Variants in LRCH1 observed in about 807,000 individuals in gnomAD.
LRCH1 encodes leucine-rich repeat and calponin homology domain-containing protein 1.
Under a neutral mutation model 94.9 loss-of-function variants are expected in LRCH1, and 23 were observed. The observed-to-expected ratio is 0.24, with a 90% CI of 0.17 to 0.34. LRCH1 has a LOEUF of 0.34. LRCH1 is among the 10% of genes least tolerant of loss of function. LRCH1 has a pLI of 1.00. For synonymous variants in LRCH1, 364 were observed against 354.9 expected, an observed-to-expected ratio of 1.03 and a Z score of -0.29; for missense variants, 790 against 945.9, an observed-to-expected ratio of 0.84 and a Z score of 2.16.
At chr13:46,605,024 G>C (rs1473475442) in intron 1 of LRCH1, among the ~76,000 whole-genome samples, 1 of 152,228 alleles carries the variant, frequency 6.6e-6, no homozygotes, top group Non-Finnish European at 1.5e-5. Context: ...CATGGTGCCA[G>C]TTCTTAAAGA....
At chr13:46,653,636 G>A (rs1406294948) in intron 2 of LRCH1, among the ~76,000 whole-genome samples, 1 of 151,962 alleles carries the variant, frequency 6.6e-6, no homozygotes, top group African/African-American at 2.4e-5. Context: ...ACCAGCCTGG[G>A]CAACATGTTG....
At chr13:46,595,018 T>C (rs2050544018) in intron 1 of LRCH1, among the ~76,000 whole-genome samples, 1 of 152,184 alleles carries the variant, frequency 6.6e-6, no homozygotes, top group Admixed American at 6.5e-5. Context: ...CTGGGTGTTC[T>C]CCTAGCTTCT....
intron 13 of LRCH1, among the ~76,000 whole-genome samples, chr13:46,711,293 A>G (rs1872049767): frequency 1.3e-5 from 2 of 152,078 alleles, no homozygotes; most frequent in South Asian, 4.2e-4. Context: ...AAAAATTCAT[A>G]ATTTTTTCTC....
At chr13:46,748,888 AAGGGT>A (rs1437901711), downstream of LRCH1, among the ~76,000 whole-genome samples, 1 of 152,200 alleles carries the variant, frequency 6.6e-6, no homozygotes, top group Non-Finnish European at 1.5e-5. Context: ...CAAGGTAGGG[AAGGGT>A]GAAAAGCAGA....
rs842381 is a variant in LRCH1, at chr13:46,685,919, T to C, written c.700T>C (p.Ser234Pro). 1,589,058 of 1,593,596 alleles carry C rather than the reference T, an allele frequency of 1. 792,276 individuals are homozygous for C. Among genetic ancestry groups the C allele is most frequent in the Middle Eastern group, 1 (6,010 of 6,010 alleles). ...TATTATTTTAGAACTAGTAGATCTT[T>C]CCTTGGTAAAGTTTGACTTTTCCTG... ...KVLPQELVDL[S>P]LVKFDFSCNK... Residue 234 changes from serine to proline, a missense_variant, in exon 5 of 20, where the codon TCC becomes CCC. By Grantham distance (74) the Ser-to-Pro change is moderately conservative (BLOSUM62 -1). Around this residue, in one of 3 missense-constraint regions of LRCH1, gnomAD observed 194 missense variants for 293.5 expected, o/e 0.66. Coordinates refer to ENST00000389797, the MANE Select transcript of LRCH1 (RefSeq NM_001164211.2).
chr13:46,728,740 T>G, intron 17 of LRCH1, 107 bp from the exon 18 acceptor site: 1 of 1,040,950 alleles, frequency 9.6e-7, no homozygotes, highest in South Asian at 2.3e-5. Context: ...TATCCTTATT[T>G]CCTATGATGA....
chr13:46,575,617 T>G (rs933079261), intron 1 of LRCH1, among the ~76,000 whole-genome samples: 2 of 152,014 alleles, frequency 1.3e-5, no homozygotes, highest in Admixed American at 1.3e-4. Flanking sequence ...ATTGCACAGC[T>G]GTTGCTTGTC....
rs763938765 is a variant in LRCH1, at chr13:46,728,827, C to T, written c.1870-20C>T. On this transcript the variant is annotated intron_variant, in intron 17 of 19. Coordinates refer to ENST00000389797, the MANE Select transcript of LRCH1 (RefSeq NM_001164211.2). The stretch of plus-strand genomic sequence containing the variant: ...CCTCAGTGTTCATATTAACTGGCTT[C>T]CTTCTGATTTCCCCAACAGAGCATT... 8 of 1,583,580 alleles carry T rather than the reference C, an allele frequency of 5.1e-6. No homozygotes were observed. The Middle Eastern group carries it at 8.4e-4, about 165-fold the overall frequency.
chr13:46,625,847 C>T (rs1380933990), intron 1 of LRCH1, among the ~76,000 whole-genome samples: 1 of 151,700 alleles, frequency 6.6e-6, no homozygotes, highest in African/African-American at 2.4e-5. Context: ...AGAGAGGGGT[C>T]TCCCCATGTT....
rs781351225 is a variant in LRCH1, at chr13:46,592,689, T to C, written c.307+38986T>C. Among the ~76,000 whole-genome samples, 54 of 152,214 alleles carry C rather than the reference T, an allele frequency of 3.5e-4. 2 individuals are homozygous for C. Among genetic ancestry groups the C allele is most frequent in the Non-Finnish European group, 1.5e-5 (1 of 68,048 alleles). Reference sequence around the variant, plus strand: ...CCACTTCATATACATTTCTGCCAGCTCTATCATACCTAATCACTCATTTGA... The same window carrying C: ...CCACTTCATATACATTTCTGCCAGCCCTATCATACCTAATCACTCATTTGA... On this transcript the variant is annotated intron_variant, in intron 1 of 19. Transcript: ENST00000389797.
At chr13:46,574,682 C>G (rs2050281573) in intron 1 of LRCH1, among the ~76,000 whole-genome samples, 1 of 152,188 alleles carries the variant, frequency 6.6e-6, no homozygotes, top group Non-Finnish European at 1.5e-5. Flanking sequence ...AACTTATACG[C>G]ATATTCTAAA....
Position 46,685,926 on chromosome 13 carries a change from T to TA in LRCH1, c.710dup (p.Phe238ValfsTer2). 1 of 1,601,282 alleles carries TA rather than the reference T, an allele frequency of 6.2e-7. No homozygotes were observed. Among genetic ancestry groups the TA allele is most frequent in the Non-Finnish European group, 8.5e-7 (1 of 1,175,224 alleles). ...TTAGAACTAGTAGATCTTTCCTTGG[T>TA]AAAGTTTGACTTTTCCTGCAACAAA... is the stretch of plus-strand genomic sequence containing the variant. On this transcript the variant is annotated frameshift_variant, in exon 5 of 20. Coordinates refer to ENST00000389797, the MANE Select transcript of LRCH1 (RefSeq NM_001164211.2). LOFTEE classifies it high-confidence loss of function.
At chr13:46,657,692 ATTTTTTT>A (rs55823488) in intron 2 of LRCH1, among the ~76,000 whole-genome samples, 2 of 46,920 alleles carry the variant, frequency 4.3e-5, no homozygotes, top group African/African-American at 1.6e-4. Context: ...TGCCCAGCTA[ATTTTTTT>A]TTTTTTTTTG....
chr13:46,652,656 C>T lies in LRCH1; in HGVS notation c.452+2311C>T, dbSNP rs879489297. On this transcript the variant is annotated intron_variant, in intron 2 of 19. Coordinates refer to ENST00000389797, the MANE Select transcript of LRCH1 (RefSeq NM_001164211.2). ...GAATTTGGGTCAGTATCTCCTAAGA[C>T]ATCTGTACTCTAATTCCAACATATA... Among the ~76,000 whole-genome samples, 4 of 152,162 alleles carry T rather than the reference C, an allele frequency of 2.6e-5. No homozygotes were observed. In the East Asian group the frequency reaches 7.7e-4, roughly 29 times the overall value.
intron 1 of LRCH1, among the ~76,000 whole-genome samples, chr13:46,632,753 T>C (rs550438565): frequency 6.6e-6 from 1 of 152,292 alleles, no homozygotes; most frequent in Non-Finnish European, 1.5e-5. Context: ...GATGTGTAAA[T>C]TGTGTGATCA....
intron 1 of LRCH1, among the ~76,000 whole-genome samples, chr13:46,585,572 C>A (rs375613445): frequency 0.027 from 3,611 of 134,072 alleles, 87 homozygotes; most frequent in African/African-American, 0.071. Flanking sequence ...AAAAAAAAAA[C>A]AAAAAAACGC....
At chr13:46,708,088 T>A (rs1267560136) in intron 13 of LRCH1, among the ~76,000 whole-genome samples, 1 of 152,216 alleles carries the variant, frequency 6.6e-6, no homozygotes, top group Admixed American at 6.5e-5. Context: ...ACCTTAGTGA[T>A]GCCTGATTGC....
chr13:46,565,580 G>C (rs1350651002), intron 1 of LRCH1, among the ~76,000 whole-genome samples: 1 of 151,936 alleles, frequency 6.6e-6, no homozygotes, highest in Non-Finnish European at 1.5e-5. Flanking sequence ...GGGAGGCCAA[G>C]GTGGGTAAAT....
rs545307897 is a variant in LRCH1 at position 46,597,288 on chromosome 13, T to G, written c.307+43585T>G. ...TTCAGTGCCATGTCTTCTGCATTTT[T>G]GGGCTTTTTCTTGGTGATTTCACTG... is the stretch of plus-strand genomic sequence containing the variant. On this transcript the variant is annotated intron_variant, in intron 1 of 19. Transcript: ENST00000389797. Among the ~76,000 whole-genome samples the G allele has an allele frequency of 4.6e-5, 7 of 152,284 alleles. No homozygotes were observed. The South Asian group carries it at 1.0e-3, about 23-fold the overall frequency.
Sources: allele counts gnomAD v4.1 joint callset (sites outside exome capture counted in the v4.1 genomes callset), GRCh38; gene constraint gnomAD v4.1.1; regional missense constraint gnomAD v4.1.1; transcripts MANE v1.5; gene names NCBI Gene and HGNC (gene_info 2026-07-23, HGNC 2026-07-21).